ZBTB20: variants seen among roughly 807,000 people sequenced by gnomAD.
ZBTB20 encodes the protein zinc finger and BTB domain containing 20, also known as zinc finger and BTB domain-containing protein 20.
A neutral mutation model predicts 56.9 loss-of-function variants in ZBTB20; 9 were observed. The ratio of observed to expected loss-of-function variants is 0.16; its 90% CI spans 0.10 to 0.28. The LOEUF is 0.28. Ranked by LOEUF, ZBTB20 falls within the 10% of genes least tolerant of loss-of-function variation. The pLI is 1.00. For missense variants in ZBTB20, 655 were observed against 1,003.0 expected, an observed-to-expected ratio of 0.65 and a Z score of 4.69; for synonymous variants, 417 against 420.7, an observed-to-expected ratio of 0.99 and a Z score of 0.11.
chr3:115,017,646 C>A (rs1460280368), intron 2 of ZBTB20, among the ~76,000 whole-genome samples: 1 of 151,454 alleles, frequency 6.6e-6, no homozygotes, highest in African/African-American at 2.4e-5. Flanking sequence ...TTAATGCTTT[C>A]TCACAATTTC....
intron 6 of ZBTB20, among the ~76,000 whole-genome samples, chr3:114,513,305 C>T (rs904481435): frequency 6.6e-6 from 1 of 152,160 alleles, no homozygotes; most frequent in Non-Finnish European, 1.5e-5. Context: ...ACGTACATGA[C>T]ACCAATCAAT....
intron 7 of ZBTB20, among the ~76,000 whole-genome samples, chr3:114,390,273 A>T (rs13066031): frequency 1.5e-4 from 23 of 152,266 alleles, no homozygotes; most frequent in South Asian, 4.1e-4. Context: ...AAATGACAAG[A>T]TTTCCTTCTT....
intron 2 of ZBTB20, among the ~76,000 whole-genome samples, chr3:115,052,856 A>G (rs1319162409): frequency 1.3e-5 from 2 of 152,196 alleles, no homozygotes; most frequent in Non-Finnish European, 2.9e-5. Flanking sequence ...CAAAATGAGC[A>G]CTGTAAAAAT....
At chr3:114,776,872 G>C (rs2069642487) in intron 5 of ZBTB20, among the ~76,000 whole-genome samples, 1 of 152,148 alleles carries the variant, frequency 6.6e-6, no homozygotes, top group Non-Finnish European at 1.5e-5. Context: ...GCATTCAACA[G>C]AAGATTAAAC....
chr3:114,925,185 C>T (rs1560404983), intron 3 of ZBTB20, among the ~76,000 whole-genome samples: 2 of 151,520 alleles, frequency 1.3e-5, no homozygotes, highest in South Asian at 2.1e-4. Context: ...GGTTTCACCA[C>T]GTTAGCCAGG....
rs1162746289 is a variant in ZBTB20 at position 114,321,123 on chromosome 3, T to G, written c.*17882A>C. 6.6e-6 allele frequency: 1 copy of G among 152,228 alleles called. No homozygotes were observed. Among genetic ancestry groups the G allele is most frequent in the Non-Finnish European group, 1.5e-5 (1 of 68,044 alleles). The allele number at this position is 152,228 out of a possible 1,614,324, so 9.4% of individuals were successfully genotyped here. On this transcript the variant is annotated 3_prime_UTR_variant, in exon 12 of 12. Transcript: ENST00000675478. Reference sequence around the variant, plus strand: ...ACAGGGGAGCTGCTACTGGTATTTATATTTAATTTGGAGGAATTTCCAGCC... The same window carrying G: ...ACAGGGGAGCTGCTACTGGTATTTAGATTTAATTTGGAGGAATTTCCAGCC...
intron 5 of ZBTB20, among the ~76,000 whole-genome samples, chr3:114,769,229 C>T (rs1022468188): frequency 6.6e-6 from 1 of 152,000 alleles, no homozygotes; most frequent in Non-Finnish European, 1.5e-5. Context: ...GTTAATCATG[C>T]ATTTAGTAAC....
intron 7 of ZBTB20, among the ~76,000 whole-genome samples, chr3:114,402,375 A>G: frequency 6.6e-6 from 1 of 152,192 alleles, no homozygotes. Flanking sequence ...AGCAAACAGG[A>G]GAAAGAAAAA....
intron 2 of ZBTB20, among the ~76,000 whole-genome samples, chr3:115,002,796 A>G (rs1409745643): frequency 6.6e-6 from 1 of 151,680 alleles, no homozygotes; most frequent in Non-Finnish European, 1.5e-5. Context: ...TTACCATATG[A>G]TCTAGCAATC....
intron 4 of ZBTB20, chr3:114,873,874 T>C (rs2076099626): frequency 6.6e-6 from 1 of 152,192 alleles, no homozygotes; most frequent in African/African-American, 2.4e-5. Flanking sequence ...CAAAGATTTA[T>C]GTCATTCTCT....
intron 2 of ZBTB20, among the ~76,000 whole-genome samples, chr3:115,057,851 T>C (rs955302320): frequency 1.3e-5 from 2 of 152,132 alleles, no homozygotes; most frequent in African/African-American, 4.8e-5. Context: ...TCCGTTCTCA[T>C]GCTGCTAATA....
Position 114,351,772 on chromosome 3 carries a change from G to A in ZBTB20, c.306C>T (p.His102=). The A allele has an allele frequency of 6.2e-7, 1 of 1,613,508 alleles. No homozygotes were observed. Among genetic ancestry groups the A allele is most frequent in the Non-Finnish European group, 8.5e-7 (1 of 1,179,490 alleles). Residue 102 remains histidine, a synonymous_variant, in exon 11 of 12, where the codon CAC becomes CAT. Coordinates refer to ENST00000675478, the MANE Select transcript of ZBTB20 (RefSeq NM_001348800.3). ...GGATGCGCACCGTTACGTCACAGAA[G>A]TGGCCACGGTTGCGCTGCTCGTTGA... is the stretch of plus-strand genomic sequence containing the variant. ...ETLNEQRNRG[H]FCDVTVRIHG...
chr3:114,490,115 T>G (rs2042570675), intron 7 of ZBTB20, among the ~76,000 whole-genome samples: 1 of 137,460 alleles, frequency 7.3e-6, no homozygotes, highest in Non-Finnish European at 1.6e-5. Flanking sequence ...GGAGGATTAT[T>G]TATTCATTTT....
intron 4 of ZBTB20, among the ~76,000 whole-genome samples, chr3:114,832,696 A>G (rs546461605): frequency 4.5e-4 from 69 of 152,246 alleles, no homozygotes; most frequent in African/African-American, 1.4e-3. Flanking sequence ...TAATTTTTTT[A>G]AATGCACAAA....
intron 6 of ZBTB20, among the ~76,000 whole-genome samples, chr3:114,558,158 A>C (rs1355115576): frequency 6.6e-6 from 1 of 152,056 alleles, no homozygotes; most frequent in Non-Finnish European, 1.5e-5. Flanking sequence ...GTAAAGAATC[A>C]GGACATTTAA....
chr3:115,078,520 C>A (rs1389625313), intron 1 of ZBTB20, among the ~76,000 whole-genome samples: 1 of 151,226 alleles, frequency 6.6e-6, no homozygotes, highest in Non-Finnish European at 1.5e-5. Flanking sequence ...TATTTTATGT[C>A]TATTCTTAAT....
At chr3:114,441,975 T>G (rs1002026151) in intron 7 of ZBTB20, among the ~76,000 whole-genome samples, 1 of 152,102 alleles carries the variant, frequency 6.6e-6, no homozygotes, top group African/African-American at 2.4e-5. Context: ...GCAACAAATT[T>G]ACAAATTTTA....
intron 6 of ZBTB20, among the ~76,000 whole-genome samples, chr3:114,665,381 G>A (rs887124091): frequency 6.6e-6 from 1 of 151,924 alleles, no homozygotes. Context: ...GTTTGTTTAA[G>A]TACACTCTAT....
intron 4 of ZBTB20, among the ~76,000 whole-genome samples, chr3:114,881,125 T>C (rs10934278): frequency 0.18 from 26,705 of 152,094 alleles, 3,183 homozygotes; most frequent in Middle Eastern, 0.27. Flanking sequence ...CAACTACAGA[T>C]GTAAATATAA....
Sources: allele counts gnomAD v4.1 joint callset (sites outside exome capture counted in the v4.1 genomes callset), GRCh38; gene constraint gnomAD v4.1.1; transcripts MANE v1.5; gene names NCBI Gene and HGNC (gene_info 2026-07-23, HGNC 2026-07-21).